Variants in HPS5 observed in about 807,000 individuals in gnomAD.
HPS5 encodes the protein HPS5 biogenesis of lysosomal organelles complex 2 subunit 2.
In HPS5, 83 loss-of-function variants were observed where a neutral mutation model predicts 128.0. The ratio of observed to expected loss-of-function variants is 0.65; its 90% CI spans 0.54 to 0.78. The LOEUF (loss-of-function observed/expected upper bound fraction) is 0.78, where lower values mean the gene tolerates loss of function less well. HPS5 is among the 30% of genes least tolerant of loss of function. The pLI, the probability that HPS5 is intolerant of heterozygous loss-of-function variation, is 0.00. For synonymous variants in HPS5, 475 were observed against 470.2 expected (o/e 1.01, Z -0.13); for missense variants, 1,281 against 1,326.2 (o/e 0.97, Z 0.53).
In HPS5 at chr11:18,286,578, A is replaced by C. The variant is rs1859761125; in HGVS notation, c.2837+13T>G. ...GTAAAGAAAAAAACAAAGAAAGAGG[A>C]CTTCTTCTGTACCTGGGATAACCTT... is the stretch of plus-strand genomic sequence containing the variant. On this transcript the variant is annotated intron_variant, in intron 19 of 22. Coordinates refer to ENST00000349215, the MANE Select transcript of HPS5 (RefSeq NM_181507.2). 1 of 1,612,850 alleles carries C rather than the reference A, an allele frequency of 6.2e-7. No individual in the cohort carries two copies. The highest frequency in any genetic ancestry group is 1.7e-5 in the Admixed American group (1 of 59,868).
At chr11:18,317,618 T>C (rs1256119614) in intron 2 of HPS5, 133 bp downstream of exon 2, 3 of 844,476 alleles carry the variant, frequency 3.6e-6, no homozygotes, top group South Asian at 1.6e-5. Context: ...CTTCTTTTTT[T>C]TCCCCCACAA....
At chr11:18,309,635 A>G (rs1862745400) in intron 5 of HPS5, among the ~76,000 whole-genome samples, 1 of 152,264 alleles carries the variant, frequency 6.6e-6, no homozygotes, top group Non-Finnish European at 1.5e-5. Context: ...TATATTAAGA[A>G]TCAATTGATA....
At position 18,297,586 on chromosome 11, in the gene HPS5, G is replaced by A. The variant is rs748784520; in HGVS notation, c.1296C>T (p.Ser432=). The change falls in exon 11 of 23, where the codon AGC becomes AGT. Residue 432 remains serine (S), a synonymous_variant. Coordinates refer to ENST00000349215, the MANE Select transcript of HPS5 (RefSeq NM_181507.2). ...GTGATGAAATGGAGCTTCTTCTACT[G>A]CTACAAGCTGAATCCAAAGGTTCAA... The part of the protein sequence containing the change: ...LKFEPLDSAC[S]SRRSSISSHE... 5.6e-6 allele frequency: 9 copies of A among 1,613,914 alleles called. 1 individual carries two copies. Among genetic ancestry groups the A allele is most frequent in the South Asian group, 5.5e-5 (5 of 91,066 alleles).
chr11:18,319,357 T>G (rs979613349), intron 1 of HPS5, among the ~76,000 whole-genome samples: 1 of 150,490 alleles, frequency 6.6e-6, no homozygotes, highest in African/African-American at 2.5e-5. Context: ...AGGGATCACA[T>G]TGAATTAAAG....
rs192833004 is a variant in HPS5, at chr11:18,282,508, G to A, written c.3059-288C>T. ...GTCTTAAACTCCTGAGCTCAAGCAA[G>A]CCTCCCACCGCAGCCTCCCAAAGTG... On this transcript the variant is annotated intron_variant, in intron 21 of 22. Transcript: ENST00000349215. Among the ~76,000 whole-genome samples, 17 of 151,180 alleles carry A rather than the reference G, an allele frequency of 1.1e-4. 1 individual carries two copies. Among genetic ancestry groups the A allele is most frequent in the Non-Finnish European group, 2.2e-4 (15 of 67,786 alleles).
intron 3 of HPS5, 195 bp from the exon 4 acceptor site, chr11:18,311,646 G>T (rs1430285744): frequency 3.6e-6 from 2 of 551,004 alleles, no homozygotes; most frequent in Non-Finnish European, 6.5e-6. Flanking sequence ...AAGTAGCTGG[G>T]ATTACAGGCA....
rs188737881 is a variant in HPS5 at position 18,281,834 on chromosome 11, G to A, written c.3329+116C>T. The stretch of plus-strand genomic sequence containing the variant: ...TCCCTTAATTACCACATCAGTCTCA[G>A]TCTCCTCATGTTAGTGATGGGTCGG... On this transcript the variant is annotated intron_variant, in intron 22 of 22. Transcript: ENST00000349215. 7.3e-5 allele frequency: 85 copies of A among 1,159,130 alleles called. 1 individual carries two copies. In the Admixed American group the frequency reaches 1.4e-3, roughly 19 times the overall value. 71.8% of individuals were successfully genotyped at this position (1,159,130 alleles called of 1,614,324 possible). A position where few individuals can be genotyped will look rare whatever the true frequency, so the allele number is the denominator to read the frequency against.
chr11:18,286,937 A>C, intron 18 of HPS5: 1 of 619,550 alleles, frequency 1.6e-6, no homozygotes, highest in Non-Finnish European at 2.8e-6. Context: ...AGAAAGAGAG[A>C]GAGAAAGAAA....
At chr11:18,320,462 GCTCA>G (rs1191283192) in intron 1 of HPS5, among the ~76,000 whole-genome samples, 2 of 152,244 alleles carry the variant, frequency 1.3e-5, no homozygotes, top group East Asian at 1.9e-4. Context: ...CCTCCAAAGG[GCTCA>G]CTATTATAAG....
At chr11:18,302,677 G>C (rs983539661) in intron 8 of HPS5, among the ~76,000 whole-genome samples, 1 of 152,006 alleles carries the variant, frequency 6.6e-6, no homozygotes, top group Admixed American at 6.6e-5. Context: ...CCTCATGTAA[G>C]TGTTAAACAT....
intron 12 of HPS5, 190 bp from the exon 13 acceptor site, chr11:18,296,312 C>A (rs1045561525): frequency 6.5e-6 from 4 of 617,032 alleles, no homozygotes; most frequent in South Asian, 6.0e-5. Flanking sequence ...CATAAAACAC[C>A]GAGGCAGGTA....
Position 18,287,539 on chromosome 11 carries a change from G to C in HPS5, c.2713C>G (p.Gln905Glu), listed in dbSNP as rs1590059865. ...CAAATATGCTCTCCTTCTCACCGCT[G>C]ATCTTCAGGCCTTGATTTCACCAGA... ...DSLVKSRPED[Q>E]RSSFLESLLQ... Residue 905 changes from glutamine to glutamate, a missense_variant, in exon 18 of 23, where the codon CAG becomes GAG. By Grantham distance (29) the Gln-to-Glu change is conservative (BLOSUM62 2). Transcript: ENST00000349215. 1.2e-6 allele frequency: 2 copies of C among 1,614,046 alleles called. No individual in the cohort carries two copies. The highest frequency in any genetic ancestry group is 2.2e-5 in the East Asian group (1 of 44,874).
At chr11:18,288,039 CA>C (rs765323723) in intron 16 of HPS5, 26 bp from the exon 17 acceptor site, 12 of 1,611,978 alleles carry the variant, frequency 7.4e-6, no homozygotes, top group Non-Finnish European at 1.0e-5. Context: ...TATCCTTTTC[CA>C]AACTTTATCT....
Position 18,295,143 on chromosome 11 carries a change from G to A in HPS5, c.1661C>T (p.Thr554Ile). 1.2e-6 allele frequency: 2 copies of A among 1,614,076 alleles called. No individual in the cohort carries two copies. Among genetic ancestry groups the A allele is most frequent in the Non-Finnish European group, 1.7e-6 (2 of 1,180,018 alleles). ...CGTGTGAAGGGTGCCAATCTTCTCAGTAGTTTTACGCACAAAGCTAGAAAC... is the reference window on the plus strand; with the variant it reads ...CGTGTGAAGGGTGCCAATCTTCTCAATAGTTTTACGCACAAAGCTAGAAAC... ...ESVSSFVRKTTEKIGTLHTSP... is the reference protein window; with the variant it reads ...ESVSSFVRKTIEKIGTLHTSP... The change falls in exon 14 of 23, where the codon ACT becomes ATT. Residue 554 changes from threonine to isoleucine, a missense_variant. By Grantham distance (89) the Thr-to-Ile change is moderately conservative. Coordinates refer to ENST00000349215, the MANE Select transcript of HPS5 (RefSeq NM_181507.2).
In HPS5 at chr11:18,279,192, CCTAG is replaced by C. The variant is rs1420972844; in HGVS notation, c.*686_*689del. 6.6e-6 allele frequency: 1 copy of C among 152,268 alleles called. No individual in the cohort carries two copies. The highest frequency in any genetic ancestry group is 2.4e-5 in the African/African-American group (1 of 41,454). 9.4% of individuals were successfully genotyped at this position (152,268 alleles called of 1,614,324 possible). A position where few individuals can be genotyped will look rare whatever the true frequency, so the allele number is the denominator to read the frequency against. On this transcript the variant is annotated 3_prime_UTR_variant, in exon 23 of 23. Transcript: ENST00000349215. ...GGACCTCCTGGCCTCAGGTACTATG[CCTAG>C]CTAATTTTTTTTATTTTTTGTAGAG... is the stretch of plus-strand genomic sequence containing the variant.
intron 5 of HPS5, among the ~76,000 whole-genome samples, chr11:18,309,854 T>G (rs542521735): frequency 6.6e-6 from 1 of 151,954 alleles, no homozygotes; most frequent in Non-Finnish European, 1.5e-5. Context: ...TTTTAAAAAT[T>G]AGCCAGGCGT....
In HPS5 at chr11:18,287,519, A is replaced by T; in HGVS notation, c.2717+16T>A. ...TCAAAAGAAAGGAGAGTCTGCAAAT[A>T]TGCTCTCCTTCTCACCGCTGATCTT... On this transcript the variant is annotated intron_variant, in intron 18 of 22. Transcript: ENST00000349215. The T allele has an allele frequency of 6.2e-7, 1 of 1,613,876 alleles. No homozygotes were observed. The highest frequency in any genetic ancestry group is 8.5e-7 in the Non-Finnish European group (1 of 1,179,766).
intron 22 of HPS5, 98 bp from the exon 23 acceptor site, chr11:18,280,040 T>G: frequency 8.0e-7 from 1 of 1,243,224 alleles, no homozygotes; most frequent in East Asian, 2.4e-5. Context: ...ATTCAAAAAG[T>G]TGACTGATTC....
intron 11 of HPS5, 84 bp downstream of exon 11, chr11:18,297,475 T>G: frequency 7.7e-7 from 1 of 1,301,108 alleles, no homozygotes; most frequent in Non-Finnish European, 1.1e-6. Flanking sequence ...GGACAACAAA[T>G]TTGGGGATCC....
Sources: gnomAD v4.1 joint callset for allele counts (sites outside exome capture counted in the v4.1 genomes callset) on GRCh38, gnomAD v4.1.1 for gene constraint, MANE v1.5 for transcripts, NCBI Gene and HGNC (gene_info 2026-07-23, HGNC 2026-07-21) for gene names.